The following TAF1 variants were observed in gnomAD, a reference collection of about 807,000 sequenced individuals.
TAF1 encodes TATA-box binding protein associated factor 1.
TAF1 carries 2 observed loss-of-function variants against 138.5 expected under a neutral mutation model. The observed-to-expected ratio is 0.01, with a 90% CI of 0.01 to 0.05. The LOEUF is 0.05. Ranked by LOEUF, TAF1 falls within the 10% of genes least tolerant of loss-of-function variation. The probability of loss-of-function intolerance (pLI) is 1.00; values close to 1 mark genes in which losing one functional copy is unlikely to be tolerated. For missense variants in TAF1, 709 were observed against 1,478.0 expected (o/e 0.48, Z 8.53); for synonymous variants, 437 against 503.2 (o/e 0.87, Z 1.76).
At chrX:71,453,047 C>T (rs964677264) in intron 32 of TAF1, among the ~76,000 whole-genome samples, 6 of 109,491 alleles carry the variant, frequency 5.5e-5, no homozygotes, top group African/African-American at 1.0e-4. Context: ...AGAGGGAGAC[C>T]GTGGAAAGAG....
Position 71,392,951 on chromosome X carries a change from A to T in TAF1, c.3008A>T (p.Asn1003Ile). The T allele has an allele frequency of 8.3e-7, 1 of 1,211,660 alleles. No homozygotes were observed. The highest frequency in any genetic ancestry group is 1.1e-6 in the Non-Finnish European group (1 of 895,533). ...GACCTTCGTCGCCTTTCCCTGAAAA[A>T]TGCCAAGCAACTTCTACGTAAATTT... ...DADLRRLSLKNAKQLLRKFGV... is the reference protein window; with the variant it reads ...DADLRRLSLKIAKQLLRKFGV... Residue 1003 changes from asparagine (N) to isoleucine (I), a missense_variant, in exon 20 of 38, where the codon AAT (asparagine) becomes ATT (isoleucine). By Grantham distance (149) the Asn-to-Ile change is moderately radical. This residue lies in a region of TAF1 where 31 missense variants were observed against 140.4 expected (regional missense o/e 0.22). Transcript: ENST00000423759.
intron 13 of TAF1, chrX:71,528,098 A>G: frequency 5.1e-6 from 1 of 197,181 alleles, no homozygotes. Context: ...TAAAAGCAAA[A>G]CCTACCATTC....
At chrX:71,509,419 TGAGA>T (rs983599381) in intron 13 of TAF1, among the ~76,000 whole-genome samples, 4 of 111,605 alleles carry the variant, frequency 3.6e-5, no homozygotes, top group Non-Finnish European at 7.5e-5. Flanking sequence ...ATATTGGTGG[TGAGA>T]GAGTGTTAAA....
intron 8 of TAF1, among the ~76,000 whole-genome samples, chrX:71,381,327 C>T (rs946700831): frequency 6.2e-5 from 7 of 112,101 alleles, no homozygotes; most frequent in South Asian, 7.3e-4. Flanking sequence ...TGCAATGGCA[C>T]GATCTCAGCT....
chrX:71,402,120 CTTG>C (rs1376702669), intron 25 of TAF1, among the ~76,000 whole-genome samples: 3 of 110,204 alleles, frequency 2.7e-5, no homozygotes, highest in Non-Finnish European at 3.8e-5. Context: ...GGTCCCTAAT[CTTG>C]TTGTGTTTTT....
intron 18 of TAF1, among the ~76,000 whole-genome samples, chrX:71,390,393 C>T (rs1166170825): frequency 8.9e-6 from 1 of 112,000 alleles, no homozygotes; most frequent in Non-Finnish European, 1.9e-5. Flanking sequence ...TTTCTCCACT[C>T]CTCTGCCATT....
At chrX:71,478,297 T>C (rs889867757) in intron 13 of TAF1, among the ~76,000 whole-genome samples, 1 of 110,736 alleles carries the variant, frequency 9.0e-6, no homozygotes, top group Non-Finnish European at 1.9e-5. Flanking sequence ...GAGGTTGCAG[T>C]GAGCCAAGAT....
rs537909558 is a variant in TAF1, at chrX:71,395,715, G to A, written c.3406+1470G>A. The stretch of plus-strand genomic sequence containing the variant: ...TGTAAAAGTTTTGTGTAATTTCATT[G>A]TTTTGGGTCCTTTGTAAAAATGTGA... On this transcript the variant is annotated intron_variant, in intron 22 of 37. Transcript: ENST00000423759. Among the ~76,000 whole-genome samples the A allele has an allele frequency of 1.6e-4, 18 of 111,647 alleles. No homozygotes were observed. The South Asian group carries it at 2.2e-3, about 14-fold the overall frequency.
intron 13 of TAF1, among the ~76,000 whole-genome samples, chrX:71,479,806 T>C (rs1242239637): frequency 9.0e-6 from 1 of 111,452 alleles, no homozygotes; most frequent in Non-Finnish European, 1.9e-5. Flanking sequence ...ATTTGTGATA[T>C]ATTTCATAAA....
At chrX:71,477,299 T>G in intron 13 of TAF1, among the ~76,000 whole-genome samples, 1 of 109,332 alleles carries the variant, frequency 9.1e-6, no homozygotes, top group Non-Finnish European at 1.9e-5. Flanking sequence ...TAATTTTAAT[T>G]TTTTTTTTTG....
intron 13 of TAF1, among the ~76,000 whole-genome samples, chrX:71,476,811 T>C (rs185248732): frequency 9.0e-6 from 1 of 111,483 alleles, no homozygotes; most frequent in African/African-American, 3.3e-5. Flanking sequence ...TTGCAGATTA[T>C]TCAATAAACA....
chrX:71,450,539 C>T (rs1225964470), intron 32 of TAF1, among the ~76,000 whole-genome samples: 1 of 112,234 alleles, frequency 8.9e-6, no homozygotes, highest in Non-Finnish European at 1.9e-5. Flanking sequence ...CCTGATAAAA[C>T]AGTAGGTTCA....
intron 13 of TAF1, 67 bp downstream of exon 13, chrX:71,384,202 G>T: frequency 2.6e-6 from 3 of 1,139,857 alleles, no homozygotes; most frequent in South Asian, 2.0e-5. Flanking sequence ...AAACTTTTAT[G>T]TACAAACTTT....
At chrX:71,449,918 G>A (rs2037878180) in intron 32 of TAF1, among the ~76,000 whole-genome samples, 2 of 111,036 alleles carry the variant, frequency 1.8e-5, no homozygotes, top group South Asian at 7.6e-4. Flanking sequence ...GACTACAGGT[G>A]CACACCACAA....
intron 4 of TAF1, 90 bp from the exon 5 acceptor site, chrX:71,376,860 C>T: frequency 1.8e-6 from 2 of 1,132,720 alleles, no homozygotes; most frequent in African/African-American, 1.8e-5. Context: ...TGGCATTGAG[C>T]CATGTGTATA....
intron 32 of TAF1, among the ~76,000 whole-genome samples, chrX:71,444,975 G>A (rs1569355300): frequency 1.8e-5 from 2 of 109,910 alleles, no homozygotes; most frequent in East Asian, 2.9e-4. Context: ...TGATCTGCCC[G>A]CCTCAGCCTC....
At chrX:71,486,237 A>G (rs190956693) in intron 13 of TAF1, among the ~76,000 whole-genome samples, 2 of 110,936 alleles carry the variant, frequency 1.8e-5, no homozygotes, top group African/African-American at 6.5e-5. Flanking sequence ...GAGGCGCGAA[A>G]TCTATGTTTC....
chrX:71,493,571 T>C (rs1324444621), intron 13 of TAF1, among the ~76,000 whole-genome samples: 1 of 112,778 alleles, frequency 8.9e-6, no homozygotes, highest in Non-Finnish European at 1.9e-5. Context: ...GCCCAGGCGT[T>C]GTTCTGTAGA....
At chrX:71,393,499 A>G (rs1407756654) in intron 21 of TAF1, 23 bp downstream of exon 21, 7 of 1,164,092 alleles carry the variant, frequency 6.0e-6, no homozygotes, top group South Asian at 2.0e-5. Context: ...AGTGCTGCAG[A>G]AAATCCAAGC....
Sources: gnomAD v4.1 joint callset for allele counts (sites outside exome capture counted in the v4.1 genomes callset) on GRCh38, gnomAD v4.1.1 for gene constraint, gnomAD v4.1.1 regional missense constraint, MANE v1.5 for transcripts, NCBI Gene and HGNC (gene_info 2026-07-23, HGNC 2026-07-21) for gene names.